Variants in LRRIQ1 observed in about 807,000 individuals in gnomAD.
LRRIQ1 encodes leucine rich repeats and IQ motif containing 1.
A neutral mutation model predicts 211.9 loss-of-function variants in LRRIQ1; 210 were observed. The ratio of observed to expected loss-of-function variants is 0.99; its 90% CI spans 0.89 to 1.11. The LOEUF is 1.11. Among genes scored for constraint, LRRIQ1 ranks in the 50% most tolerant of loss-of-function variants. The pLI, the probability that LRRIQ1 is intolerant of heterozygous loss-of-function variation, is 0.00. For synonymous variants in LRRIQ1, 699 were observed against 650.1 expected (o/e 1.08, Z -1.14); for missense variants, 2,136 against 1,939.5 (o/e 1.10, Z -1.90).
At chr12:85,226,190 T>C (rs1441441988) in intron 24 of LRRIQ1, among the ~76,000 whole-genome samples, 1 of 152,212 alleles carries the variant, frequency 6.6e-6, no homozygotes, top group African/African-American at 2.4e-5. Context: ...AAATGAGTAC[T>C]TTAAAAAGTG....
At chr12:85,166,598 T>G (rs574411907) in intron 24 of LRRIQ1, among the ~76,000 whole-genome samples, 1 of 152,316 alleles carries the variant, frequency 6.6e-6, no homozygotes, top group African/African-American at 2.4e-5. Flanking sequence ...GAGAACAGTT[T>G]ATGTTGTGTA....
chr12:85,197,864 A>G (rs1175336186), intron 24 of LRRIQ1, among the ~76,000 whole-genome samples: 3 of 135,278 alleles, frequency 2.2e-5, no homozygotes, highest in Non-Finnish European at 4.6e-5. Context: ...AAATATAATA[A>G]ATATAATAAA....
chr12:85,235,458 C>T (rs1214734960), intron 26 of LRRIQ1, among the ~76,000 whole-genome samples: 3 of 152,176 alleles, frequency 2.0e-5, no homozygotes, highest in Admixed American at 6.6e-5. Context: ...AATAGAGATG[C>T]ATCAAAGAAA....
chr12:85,041,329 T>C (rs936968317), intron 3 of LRRIQ1, among the ~76,000 whole-genome samples: 1 of 151,774 alleles, frequency 6.6e-6, no homozygotes, highest in Non-Finnish European at 1.5e-5. Flanking sequence ...AGATTCTGTT[T>C]CTCTGTTTTA....
chr12:85,215,188 A>T (rs1894017640), intron 24 of LRRIQ1, among the ~76,000 whole-genome samples: 1 of 152,196 alleles, frequency 6.6e-6, no homozygotes, highest in Non-Finnish European at 1.5e-5. Flanking sequence ...AATGAAACTC[A>T]TATTTTGCTA....
intron 24 of LRRIQ1, among the ~76,000 whole-genome samples, chr12:85,195,984 G>A (rs1438635619): frequency 6.6e-6 from 1 of 151,782 alleles, no homozygotes; most frequent in African/African-American, 2.4e-5. Context: ...GAAGTCTCAG[G>A]ATACAAAATC....
chr12:85,078,073 C>A (rs1244740549), intron 11 of LRRIQ1, among the ~76,000 whole-genome samples: 1 of 151,950 alleles, frequency 6.6e-6, no homozygotes, highest in Non-Finnish European at 1.5e-5. Context: ...CCCTTCCATC[C>A]AAGTGCATTT....
intron 1 of LRRIQ1, among the ~76,000 whole-genome samples, chr12:85,253,392 A>G (rs1896004152): frequency 6.6e-6 from 1 of 152,098 alleles, no homozygotes; most frequent in Non-Finnish European, 1.5e-5. Context: ...TTCATGCAAT[A>G]TTCTCAAATC....
chr12:85,175,258 T>C (rs567253387), intron 24 of LRRIQ1, among the ~76,000 whole-genome samples: 2 of 152,106 alleles, frequency 1.3e-5, no homozygotes, highest in African/African-American at 4.8e-5. Flanking sequence ...AATTTCATGA[T>C]GATAGTGAAA....
At chr12:85,268,484 C>T (rs1330563482), downstream of LRRIQ1, among the ~76,000 whole-genome samples, 1 of 151,680 alleles carries the variant, frequency 6.6e-6, no homozygotes, top group Non-Finnish European at 1.5e-5. Context: ...TTAGAGTGAC[C>T]CATATTCTCT....
chr12:85,134,047 T>G (rs549386499), intron 18 of LRRIQ1, among the ~76,000 whole-genome samples: 9 of 152,104 alleles, frequency 5.9e-5, no homozygotes, highest in Non-Finnish European at 1.2e-4. Context: ...CAGTAGAAGC[T>G]ATAGCACAGC....
intron 6 of LRRIQ1, among the ~76,000 whole-genome samples, chr12:85,049,427 C>CTTCT (rs1880035844): frequency 6.6e-6 from 1 of 152,098 alleles, no homozygotes; most frequent in Non-Finnish European, 1.5e-5. Flanking sequence ...GTAAGAAATG[C>CTTCT]TTCTTTCTTC....
At chr12:85,109,751 T>C (rs1489977607) in intron 15 of LRRIQ1, among the ~76,000 whole-genome samples, 1 of 152,178 alleles carries the variant, frequency 6.6e-6, no homozygotes, top group Non-Finnish European at 1.5e-5. Context: ...TTCTGATATA[T>C]ACTAAAGTTT....
In LRRIQ1 at chr12:85,056,465, G is replaced by A. The variant is rs140862066; in HGVS notation, c.1672G>A (p.Gly558Arg). The change falls in exon 8 of 27, where the codon GGA becomes AGA. Residue 558 changes from glycine (G) to arginine (R), a missense_variant. By Grantham distance (125) the Gly-to-Arg change is moderately radical (BLOSUM62 -2). Transcript: ENST00000393217. ...NTGQKTQIIL[G>R]HNQEISEVKT... ...AGGACAAAAAACCCAGATAATATTA[G>A]GACATAACCAAGAAATCAGTGAGGT... 7,132 of 1,609,804 alleles carry A rather than the reference G, an allele frequency of 4.4e-3. 26 individuals are homozygous for A. The highest frequency in any genetic ancestry group is 7.5e-3 in the Middle Eastern group (45 of 6,024).
intron 24 of LRRIQ1, among the ~76,000 whole-genome samples, chr12:85,196,946 T>C (rs947985304): frequency 2.6e-5 from 4 of 151,870 alleles, no homozygotes; most frequent in African/African-American, 9.7e-5. Context: ...AGGGCTAATA[T>C]CCAGAATCTA....
the LRRIQ1 span, among the ~76,000 whole-genome samples, chr12:85,271,392 G>A: frequency 5.9e-5 from 9 of 151,902 alleles, no homozygotes; most frequent in Admixed American, 5.9e-4. Context: ...CCACCACTGG[G>A]GCAAAACTGA....
At chr12:85,096,565 G>A (rs1885896997) in intron 11 of LRRIQ1, among the ~76,000 whole-genome samples, 1 of 152,080 alleles carries the variant, frequency 6.6e-6, no homozygotes, top group Non-Finnish European at 1.5e-5. Flanking sequence ...ATTCAGACAT[G>A]CTTTGGGCTG....
downstream of LRRIQ1, among the ~76,000 whole-genome samples, chr12:85,249,105 A>G (rs1018986599): frequency 1.3e-5 from 2 of 151,794 alleles, no homozygotes; most frequent in African/African-American, 4.8e-5. Flanking sequence ...ATATTGAAAG[A>G]GTAATTTTAT....
rs1236150480 is a variant in LRRIQ1 at position 85,040,544 on chromosome 12, A to G, written c.187A>G (p.Arg63Gly). 3.1e-6 allele frequency: 5 copies of G among 1,598,914 alleles called. No homozygotes were observed. The highest frequency in any genetic ancestry group is 4.3e-6 in the Non-Finnish European group (5 of 1,171,806). Residue 63 changes from arginine (R) to glycine (G), a missense_variant, in exon 3 of 27, where the codon AGG (arginine) becomes GGG (glycine). Physicochemically the swap from Arg to Gly is moderately radical, Grantham distance 125. Coordinates refer to ENST00000393217, the MANE Select transcript of LRRIQ1 (RefSeq NM_001079910.2). ...TCACTGTATTAACATCATAAAGAAC[A>G]GGAGTAAAGCTGTTGAAGAGCTCAT... ...VLHCINIIKN[R>G]SKAVEELILQ... is the part of the protein sequence containing the mutation.
Sources: gnomAD v4.1 joint callset for allele counts (sites outside exome capture counted in the v4.1 genomes callset) on GRCh38, gnomAD v4.1.1 for gene constraint, MANE v1.5 for transcripts, NCBI Gene and HGNC (gene_info 2026-07-23, HGNC 2026-07-21) for gene names.